The following STAT5B variants were observed in gnomAD, a reference collection of about 807,000 sequenced individuals.
STAT5B encodes transcription factor STAT5B.
STAT5B carries 21 observed loss-of-function variants against 107.8 expected under a neutral mutation model. That is an observed-to-expected ratio of 0.19 (90% CI 0.14 to 0.28). The LOEUF is 0.28. STAT5B is among the 10% of genes least tolerant of loss of function. The pLI, the probability that STAT5B is intolerant of heterozygous loss-of-function variation, is 1.00. For synonymous variants in STAT5B, 325 were observed against 401.7 expected (o/e 0.81, Z 2.28); for missense variants, 565 against 1,008.2 (o/e 0.56, Z 5.95).
intron 1 of STAT5B, among the ~76,000 whole-genome samples, chr17:42,256,638 T>C (rs1198846097): frequency 6.6e-6 from 1 of 151,986 alleles, no homozygotes; most frequent in Non-Finnish European, 1.5e-5. Context: ...GGCGAGCAGG[T>C]CACGAGGTTA....
intron 1 of STAT5B, among the ~76,000 whole-genome samples, chr17:42,269,266 G>GTTTCA (rs1246374007): frequency 6.6e-6 from 1 of 152,000 alleles, no homozygotes; most frequent in Non-Finnish European, 1.5e-5. Flanking sequence ...TAGAGACAGG[G>GTTTCA]TTTCACCATG....
At chr17:42,260,784 T>C (rs2080588089) in intron 1 of STAT5B, among the ~76,000 whole-genome samples, 1 of 152,192 alleles carries the variant, frequency 6.6e-6, no homozygotes, top group Admixed American at 6.6e-5. Flanking sequence ...TTTTACTTTT[T>C]ATTGTGATAC....
intron 11 of STAT5B, among the ~76,000 whole-genome samples, chr17:42,216,647 G>A (rs533367304): frequency 1.9e-4 from 28 of 151,252 alleles, no homozygotes; most frequent in African/African-American, 5.6e-4. Context: ...CAAAGTGTTA[G>A]GATTACAGAT....
chr17:42,243,406 A>C (rs1483442874), intron 1 of STAT5B, among the ~76,000 whole-genome samples: 1 of 152,168 alleles, frequency 6.6e-6, no homozygotes, highest in Non-Finnish European at 1.5e-5. Context: ...ATCATTATAT[A>C]TTAGATATTA....
At chr17:42,217,527 T>A in intron 9 of STAT5B, 63 bp from the exon 10 acceptor site, 1 of 1,583,234 alleles carries the variant, frequency 6.3e-7, no homozygotes, top group Non-Finnish European at 8.7e-7. Flanking sequence ...GCGGAGTAAA[T>A]AATATAATTT....
chr17:42,210,116 A>G, intron 15 of STAT5B, 55 bp downstream of exon 15: 4 of 1,613,758 alleles, frequency 2.5e-6, no homozygotes, highest in Non-Finnish European at 3.4e-6. Flanking sequence ...ATTTGTTAAA[A>G]TAATTTTGTA....
At chr17:42,213,686 C>A (rs529237155) in intron 12 of STAT5B, among the ~76,000 whole-genome samples, 64 of 151,642 alleles carry the variant, frequency 4.2e-4, no homozygotes, top group Admixed American at 2.0e-3. Flanking sequence ...CACCACCACG[C>A]CCAGCTAATT....
chr17:42,240,828 T>G (rs888500637), intron 1 of STAT5B, among the ~76,000 whole-genome samples: 3 of 152,196 alleles, frequency 2.0e-5, no homozygotes, highest in Non-Finnish European at 4.4e-5. Flanking sequence ...GTTTGTTATA[T>G]TTCATAATTT....
chr17:42,252,763 C>T (rs1027931573), intron 1 of STAT5B, among the ~76,000 whole-genome samples: 2 of 152,102 alleles, frequency 1.3e-5, no homozygotes, highest in Non-Finnish European at 2.9e-5. Context: ...TCATAAACAT[C>T]GTGACAAGTT....
intron 15 of STAT5B, 126 bp downstream of exon 15, chr17:42,210,045 A>G: frequency 1.4e-6 from 2 of 1,407,428 alleles, no homozygotes; most frequent in Non-Finnish European, 9.8e-7. Flanking sequence ...TGTCATGGCT[A>G]TACATTTATG....
chr17:42,248,469 G>T (rs1342491360), intron 1 of STAT5B, among the ~76,000 whole-genome samples: 1 of 151,640 alleles, frequency 6.6e-6, no homozygotes, highest in African/African-American at 2.4e-5. Context: ...CAAAATAATT[G>T]TCCACATTTA....
upstream of STAT5B, among the ~76,000 whole-genome samples, chr17:42,279,477 C>A (rs895218668): frequency 3.9e-5 from 6 of 152,208 alleles, no homozygotes; most frequent in Non-Finnish European, 8.8e-5. Context: ...GTGGCAGCCA[C>A]AGGGCGCTAG....
Position 42,199,863 on chromosome 17 carries a change from C to G in STAT5B, c.*1875G>C, listed in dbSNP as rs1478982154. On this transcript the variant is annotated 3_prime_UTR_variant, in exon 19 of 19. Coordinates refer to ENST00000293328, the MANE Select transcript of STAT5B (RefSeq NM_012448.4). ...CAACCAGGGTTGCTGGAACAGAGAG[C>G]GAGGTCTCAGAGGCAGGTGCTGGTG... is the stretch of plus-strand genomic sequence containing the variant. 2.6e-5 allele frequency: 4 copies of G among 152,418 alleles called. No homozygotes were observed. The highest frequency in any genetic ancestry group is 4.4e-5 in the Non-Finnish European group (3 of 68,126). The allele number at this position is 152,418 out of a possible 1,614,324, so 9.4% of individuals were successfully genotyped here. A position where few individuals can be genotyped will look rare whatever the true frequency, so the allele number is the denominator to read the frequency against.
chr17:42,226,971 C>CAA (rs1244458785), intron 3 of STAT5B, among the ~76,000 whole-genome samples: 29 of 123,194 alleles, frequency 2.4e-4, no homozygotes, highest in African/African-American at 6.3e-4. Context: ...CTAAAAATAC[C>CAA]AAAAAAAAAA....
intron 15 of STAT5B, 40 bp from the exon 16 acceptor site, chr17:42,207,768 T>A (rs2080098250): frequency 6.2e-7 from 1 of 1,610,030 alleles, no homozygotes. Context: ...TAAACATGAT[T>A]TCTGAATTAG....
chr17:42,218,905 G>A lies in STAT5B; in HGVS notation c.834-27C>T, dbSNP rs764259055. On this transcript the variant is annotated intron_variant, in intron 7 of 18. Transcript: ENST00000293328. Reference sequence around the variant, plus strand: ...TGCACGAGAGCCCCAAGGCCAACAGGAGGACAATGGCTCCTCCGCACAGAC... The same window carrying A: ...TGCACGAGAGCCCCAAGGCCAACAGAAGGACAATGGCTCCTCCGCACAGAC... The A allele has an allele frequency of 6.8e-6, 11 of 1,613,720 alleles. No homozygotes were observed. The South Asian group carries it at 7.7e-5, about 11-fold the overall frequency.
chr17:42,237,138 G>C (rs2080363310), intron 1 of STAT5B, among the ~76,000 whole-genome samples: 1 of 152,202 alleles, frequency 6.6e-6, no homozygotes, highest in Non-Finnish European at 1.5e-5. Flanking sequence ...CCTGGATGCA[G>C]AACCCTGTAC....
chr17:42,219,685 C>T (rs370184247), intron 6 of STAT5B, 27 bp downstream of exon 6: 202 of 1,591,790 alleles, frequency 1.3e-4, no homozygotes, highest in Non-Finnish European at 1.7e-4. Context: ...GCACCCACGC[C>T]CAGGAGAGGC....
chr17:42,259,840 A>T (rs755531376), intron 1 of STAT5B, among the ~76,000 whole-genome samples: 3 of 152,014 alleles, frequency 2.0e-5, no homozygotes, highest in Non-Finnish European at 4.4e-5. Flanking sequence ...TTCAGTTCCC[A>T]CAGGGCAAGA....
Sources: gnomAD v4.1 joint callset for allele counts (sites outside exome capture counted in the v4.1 genomes callset) on GRCh38, gnomAD v4.1.1 for gene constraint, MANE v1.5 for transcripts, NCBI Gene and HGNC (gene_info 2026-07-23, HGNC 2026-07-21) for gene names.